The following AIG1 variants were observed in gnomAD, a reference collection of about 807,000 sequenced individuals.
The protein encoded by AIG1 is androgen induced 1.
In AIG1, 23 loss-of-function variants were observed where a neutral mutation model predicts 31.4. The observed-to-expected ratio is 0.73, with a 90% CI of 0.53 to 1.04. The LOEUF (loss-of-function observed/expected upper bound fraction) is 1.04. AIG1 is among the 50% of genes least tolerant of loss of function. The pLI is 0.00. For synonymous variants in AIG1, 100 were observed against 110.5 expected, an observed-to-expected ratio of 0.90 and a Z score of 0.60; for missense variants, 274 against 295.0, an observed-to-expected ratio of 0.93 and a Z score of 0.52.
chr6:143,164,826 CTT>C, intron 2 of AIG1: 3 of 336,944 alleles, frequency 8.9e-6, no homozygotes, highest in Non-Finnish European at 1.6e-5. Context: ...AAACAGGCCT[CTT>C]CTCTCTCCCT....
chr6:143,252,302 GT>G (rs2128648749), intron 3 of AIG1, among the ~76,000 whole-genome samples: 1 of 152,138 alleles, frequency 6.6e-6, no homozygotes, highest in African/African-American at 2.4e-5. Flanking sequence ...TTAATTTTTA[GT>G]AGATATGGGG....
chr6:143,094,179 A>G (rs1055110127), intron 1 of AIG1: 1 of 151,794 alleles, frequency 6.6e-6, no homozygotes, highest in Admixed American at 6.6e-5. Flanking sequence ...ATGTCCCCCC[A>G]TATCTGCTGG....
chr6:143,248,186 A>G (rs1283274762), intron 3 of AIG1, among the ~76,000 whole-genome samples: 1 of 152,200 alleles, frequency 6.6e-6, no homozygotes, highest in Non-Finnish European at 1.5e-5. Context: ...AGGGAAAAAA[A>G]CAGAAAACTC....
intron 3 of AIG1, among the ~76,000 whole-genome samples, chr6:143,264,165 G>A (rs1043903530): frequency 3.3e-5 from 5 of 152,154 alleles, no homozygotes; most frequent in African/African-American, 4.8e-5. Context: ...GTATGAGCGC[G>A]TATATGCTTG....
intron 4 of AIG1, among the ~76,000 whole-genome samples, chr6:143,332,496 T>A (rs1390651309): frequency 6.6e-6 from 1 of 152,144 alleles, no homozygotes. Context: ...TAAGTAAGAA[T>A]GTAAAATAGG....
At chr6:143,190,229 A>G (rs1006929147) in intron 3 of AIG1, 4 of 985,514 alleles carry the variant, frequency 4.1e-6, no homozygotes, top group East Asian at 1.1e-4. Flanking sequence ...AACATCAACC[A>G]TAAGGAACAC....
In AIG1 at chr6:143,303,263, C is replaced by T. The variant is rs1265656895; in HGVS notation, c.515+19038C>T. Among the ~76,000 whole-genome samples, 148 of 151,430 alleles carry T rather than the reference C, an allele frequency of 9.8e-4. 1 individual carries two copies. The highest frequency in any genetic ancestry group is 9.3e-4 in the Non-Finnish European group (63 of 67,642). On this transcript the variant is annotated intron_variant, in intron 4 of 5. Transcript: ENST00000357847. ...CATTTGTCAATTTTGGCTTTTGTTG[C>T]CATTGCTTTTGGTGTTTTAGACATG...
chr6:143,113,247 A>G (rs1343321961), intron 1 of AIG1, among the ~76,000 whole-genome samples: 1 of 152,066 alleles, frequency 6.6e-6, no homozygotes, highest in Non-Finnish European at 1.5e-5. Flanking sequence ...CTTTATGGTA[A>G]TAAGAACAGC....
intron 3 of AIG1, chr6:143,187,593 G>A (rs1365162117): frequency 5.9e-6 from 9 of 1,535,964 alleles, no homozygotes; most frequent in Non-Finnish European, 7.8e-6. Flanking sequence ...AGGGAGAGAA[G>A]GCAATTAAAA....
At chr6:143,271,645 C>T (rs1253685253) in intron 3 of AIG1, among the ~76,000 whole-genome samples, 3 of 152,036 alleles carry the variant, frequency 2.0e-5, no homozygotes, top group Admixed American at 1.3e-4. Flanking sequence ...TACATGGGAG[C>T]GTGATGAAAT....
At chr6:143,308,948 A>T (rs186535385) in intron 4 of AIG1, among the ~76,000 whole-genome samples, 172 of 152,066 alleles carry the variant, frequency 1.1e-3, no homozygotes, top group Non-Finnish European at 1.6e-3. Flanking sequence ...AAATATATTT[A>T]AAAAATATAT....
chr6:143,334,024 G>GA lies in AIG1; in HGVS notation c.679+584dup. On this transcript the variant is annotated intron_variant, in intron 5 of 5. Coordinates refer to ENST00000357847, the MANE Select transcript of AIG1 (RefSeq NM_016108.4). The surrounding 1 kb of genome is among the most constrained non-coding windows in gnomAD (Gnocchi z 5.1). ...AGTAAAAGATAATATTTCGTGGCTG[G>GA]AAAAACTCTTTTAACCTGTGATTTG... is the stretch of plus-strand genomic sequence containing the variant. The GA allele has an allele frequency of 6.5e-7, 1 of 1,542,522 alleles. No homozygotes were observed. The highest frequency in any genetic ancestry group is 8.8e-7 in the Non-Finnish European group (1 of 1,141,824).
At chr6:143,335,498 C>T (rs1777410730) in intron 5 of AIG1, 1 of 150,280 alleles carries the variant, frequency 6.7e-6, no homozygotes, top group Non-Finnish European at 1.4e-5. Flanking sequence ...TGCCACTGCA[C>T]CCCAGCCTGG....
intron 3 of AIG1, among the ~76,000 whole-genome samples, chr6:143,262,063 G>A (rs953999383): frequency 2.0e-5 from 3 of 152,172 alleles, no homozygotes; most frequent in East Asian, 3.9e-4. Context: ...CTGCAAAGAC[G>A]CTTTCAGCAA....
rs921509027 is a variant in AIG1 at position 143,093,397 on chromosome 6, G to A, written c.141+32331G>A. ...CCCTCTCAGCCCTCATAGAATTGAAGAGAGTTAGGACCTTGCTCTGGATTA... is the reference window on the plus strand; with the variant it reads ...CCCTCTCAGCCCTCATAGAATTGAAAAGAGTTAGGACCTTGCTCTGGATTA... On this transcript the variant is annotated intron_variant, in intron 1 of 5. Transcript: ENST00000357847. Among the ~76,000 whole-genome samples, 6 of 152,310 alleles carry A rather than the reference G, an allele frequency of 3.9e-5. No individual in the cohort carries two copies. In the East Asian group the frequency reaches 5.8e-4, roughly 15 times the overall value.
chr6:143,197,828 T>G (rs1408162146), intron 3 of AIG1, among the ~76,000 whole-genome samples: 1 of 152,232 alleles, frequency 6.6e-6, no homozygotes, highest in African/African-American at 2.4e-5. Flanking sequence ...TCAGCTGGTA[T>G]TGCCCTAACT....
At chr6:143,305,457 T>A (rs533226828) in intron 4 of AIG1, among the ~76,000 whole-genome samples, 214 of 152,330 alleles carry the variant, frequency 1.4e-3, no homozygotes, top group African/African-American at 4.6e-3. Flanking sequence ...AGAACATCTT[T>A]ATTTCTGCCT....
chr6:143,264,011 T>C (rs951550590), intron 3 of AIG1, among the ~76,000 whole-genome samples: 1 of 152,144 alleles, frequency 6.6e-6, no homozygotes, highest in Non-Finnish European at 1.5e-5. Flanking sequence ...TCCAAAACAG[T>C]GGTTGAGTTG....
chr6:143,167,201 A>G (rs190226260), intron 3 of AIG1, among the ~76,000 whole-genome samples: 59 of 152,336 alleles, frequency 3.9e-4, no homozygotes, highest in African/African-American at 1.4e-3. Context: ...CAAACATTAC[A>G]CCAAAAAACA....
Sources: allele counts gnomAD v4.1 joint callset (sites outside exome capture counted in the v4.1 genomes callset), GRCh38; gene constraint gnomAD v4.1.1; non-coding constraint Gnocchi (gnomAD v3.1); transcripts MANE v1.5; gene names NCBI Gene and HGNC (gene_info 2026-07-23, HGNC 2026-07-21).